The following KLHL15 variants were observed in gnomAD, a reference collection of about 807,000 sequenced individuals.
The protein encoded by KLHL15 is kelch like family member 15, also known as kelch-like protein 15.
In KLHL15, 1 loss-of-function variant was observed where a neutral mutation model predicts 29.3. The ratio of observed to expected loss-of-function variants is 0.03; its 90% CI spans 0.01 to 0.16. The LOEUF (loss-of-function observed/expected upper bound fraction) is 0.16. Ranked by LOEUF, KLHL15 falls within the 10% of genes least tolerant of loss-of-function variation. The pLI, the probability that KLHL15 is intolerant of heterozygous loss-of-function variation, is 1.00. For synonymous variants in KLHL15, 212 were observed against 184.5 expected (o/e 1.15, Z -1.21); for missense variants, 215 against 478.5 (o/e 0.45, Z 5.14).
intron 3 of KLHL15, among the ~76,000 whole-genome samples, chrX:24,003,269 G>A (rs1929367806): frequency 9.0e-6 from 1 of 111,028 alleles, no homozygotes; most frequent in Non-Finnish European, 1.9e-5. Context: ...TGCATGGCCA[G>A]GCGCGGTGGC....
At chrX:24,025,565 A>AG (rs1279167721) in intron 1 of KLHL15, among the ~76,000 whole-genome samples, 1 of 106,589 alleles carries the variant, frequency 9.4e-6, no homozygotes, top group Non-Finnish European at 2.0e-5. Context: ...CTGGCCCGGG[A>AG]GGCCCCCCCC....
At chrX:24,006,957 A>C (rs1249755493) in intron 2 of KLHL15, among the ~76,000 whole-genome samples, 1 of 109,998 alleles carries the variant, frequency 9.1e-6, no homozygotes, top group Non-Finnish European at 1.9e-5. Context: ...CCAAGGCAGG[A>C]AGATCGCTTG....
chrX:23,985,099 G>A lies in KLHL15; in HGVS notation c.*2822C>T, dbSNP rs1276205994. 8.9e-6 allele frequency: 1 copy of A among 111,943 alleles called. No homozygotes were observed. The highest frequency in any genetic ancestry group is 2.8e-4 in the East Asian group (1 of 3,599). 9.2% of individuals were successfully genotyped at this position (111,943 alleles called of 1,213,427 possible). Reference sequence around the variant, plus strand: ...TTTCTTTAAAATCAAAACTTAGAAGGTCAAAGACACGGAAGAGAACAAATG... The same window carrying A: ...TTTCTTTAAAATCAAAACTTAGAAGATCAAAGACACGGAAGAGAACAAATG... On this transcript the variant is annotated 3_prime_UTR_variant, in exon 4 of 4. Coordinates refer to ENST00000328046, the MANE Select transcript of KLHL15 (RefSeq NM_030624.3).
At chrX:23,993,961 G>C (rs992631769) in intron 3 of KLHL15, among the ~76,000 whole-genome samples, 3 of 105,938 alleles carry the variant, frequency 2.8e-5, no homozygotes, top group Admixed American at 1.0e-4. Flanking sequence ...TGGGAGAATC[G>C]AATAGCTTGA....
At chrX:24,001,802 CA>C (rs766669649) in intron 3 of KLHL15, among the ~76,000 whole-genome samples, 772 of 22,618 alleles carry the variant, frequency 0.034, 3 homozygotes, top group African/African-American at 0.094. Flanking sequence ...AGACTTGACT[CA>C]AAAAAAAAAA....
intron 2 of KLHL15, among the ~76,000 whole-genome samples, chrX:24,015,639 C>T (rs768732171): frequency 5.3e-5 from 6 of 112,552 alleles, no homozygotes; most frequent in Admixed American, 9.4e-5. Flanking sequence ...GGGTTTGAAG[C>T]GTGGTTCTAC....
At chrX:24,007,206 A>G (rs1193424739) in intron 2 of KLHL15, among the ~76,000 whole-genome samples, 4 of 107,348 alleles carry the variant, frequency 3.7e-5, no homozygotes, top group African/African-American at 1.4e-4. Context: ...AAAAATATAT[A>G]TGTCGGCTGG....
intron 2 of KLHL15, among the ~76,000 whole-genome samples, chrX:24,009,989 CAAAA>C (rs767433599): frequency 1.1e-4 from 7 of 61,292 alleles, no homozygotes; most frequent in Admixed American, 4.0e-4. Context: ...GACTCCATCT[CAAAA>C]AAAAAAAAAA....
chrX:24,002,350 G>C (rs1202591871), intron 3 of KLHL15, among the ~76,000 whole-genome samples: 1 of 111,375 alleles, frequency 9.0e-6, no homozygotes, highest in South Asian at 3.7e-4. Context: ...AAGACCATCA[G>C]AGCTAGTAAA....
chrX:23,990,989 T>C (rs1240132509), intron 3 of KLHL15, among the ~76,000 whole-genome samples: 2 of 110,703 alleles, frequency 1.8e-5, no homozygotes, highest in Non-Finnish European at 3.8e-5. Flanking sequence ...TCCATGGGCT[T>C]CACAACATCA....
At chrX:23,996,941 T>G (rs1232382334) in intron 3 of KLHL15, among the ~76,000 whole-genome samples, 1 of 112,427 alleles carries the variant, frequency 8.9e-6, no homozygotes, top group Non-Finnish European at 1.9e-5. Context: ...GAAAAATCAG[T>G]TCATGCTAAG....
chrX:24,017,845 T>C (rs1236193087), intron 2 of KLHL15, among the ~76,000 whole-genome samples: 1 of 108,336 alleles, frequency 9.2e-6, no homozygotes, highest in African/African-American at 3.4e-5. Context: ...AGCGGCCTCA[T>C]GCCTGTAATC....
chrX:23,996,104 AC>A (rs759704052), intron 3 of KLHL15, among the ~76,000 whole-genome samples: 1 of 112,226 alleles, frequency 8.9e-6, no homozygotes, highest in African/African-American at 3.2e-5. Flanking sequence ...GAAACAAAAT[AC>A]CTTTTATTAG....
In KLHL15 at chrX:24,006,696, ATCACCTGG is replaced by A. The variant is rs1248723626; in HGVS notation, c.-7-4_-4del. On this transcript the variant is annotated splice_acceptor_variant and splice_polypyrimidine_tract_variant and 5_prime_UTR_variant and intron_variant, in exon 3 of 4. Coordinates refer to ENST00000328046, the MANE Select transcript of KLHL15 (RefSeq NM_030624.3). LOFTEE classifies it low-confidence loss of function (5UTR_SPLICE). ...AATCCTTCCACGTCCCCTGCCATGA[ATCACCTGG>A]AAAAAAATCAAAGACAACAATGTTA... 4 of 1,163,516 alleles carry A rather than the reference ATCACCTGG, an allele frequency of 3.4e-6. No individual in the cohort carries two copies. The highest frequency in any genetic ancestry group is 4.9e-5 in the Admixed American group (2 of 40,591).
rs1030467290 is a variant in KLHL15 at position 24,006,441 on chromosome X, C to T, written c.253G>A (p.Val85Ile). 8.3e-7 allele frequency: 1 copy of T among 1,211,450 alleles called. No individual in the cohort carries two copies. Among genetic ancestry groups the T allele is most frequent in the African/African-American group, 1.7e-5 (1 of 57,850 alleles). Residue 85 changes from valine to isoleucine, a missense_variant, in exon 3 of 4, where the codon GTC becomes ATC. Physicochemically the swap from Val to Ile is conservative, Grantham distance 29 (BLOSUM62 3). Transcript: ENST00000328046. The part of the protein sequence containing the change: ...KGLTATGFSH[V>I]LQFMYYGTIE... ...GTTCCATAGTACATAAATTGCAGGA[C>T]ATGGCTGAAACCGGTAGCTGTTAGA... is the stretch of plus-strand genomic sequence containing the variant.
At position 23,997,886 on chromosome X, in the gene KLHL15, T is replaced by C. The variant is rs767036655; in HGVS notation, c.705+8103A>G. Among the ~76,000 whole-genome samples the C allele has an allele frequency of 2.9e-5, 3 of 104,693 alleles. No individual in the cohort carries two copies. In the East Asian group the frequency reaches 9.1e-4, roughly 32 times the overall value. 90.9% of individuals were successfully genotyped at this position (104,693 alleles called of 115,157 possible). On this transcript the variant is annotated intron_variant, in intron 3 of 3. Coordinates refer to ENST00000328046, the MANE Select transcript of KLHL15 (RefSeq NM_030624.3). Reference sequence around the variant, plus strand: ...TTGATGCCAGGAGACCAGCCAGGAGTTGAGACCAGCCAAGACAACACAGCA... The same window carrying C: ...TTGATGCCAGGAGACCAGCCAGGAGCTGAGACCAGCCAAGACAACACAGCA...
rs768514166 is a variant in KLHL15 at position 24,010,732 on chromosome X, C to T, written c.-7-4032G>A. ...CCCAATCTCCCAAGTTCTGTCCTTC[C>T]CCTGGTTAGGTATTTATATGGACCC... On this transcript the variant is annotated intron_variant, in intron 2 of 3. Transcript: ENST00000328046. 3.6e-5 allele frequency among the ~76,000 whole-genome samples: 4 copies of T among 111,489 alleles called. No homozygotes were observed. The East Asian group carries it at 1.1e-3, about 32-fold the overall frequency.
chrX:23,995,266 G>A (rs1929162320), intron 3 of KLHL15, among the ~76,000 whole-genome samples: 1 of 110,027 alleles, frequency 9.1e-6, no homozygotes, highest in Non-Finnish European at 1.9e-5. Context: ...AATTATCCGG[G>A]CATGTTGGTG....
intron 2 of KLHL15, among the ~76,000 whole-genome samples, chrX:24,009,578 C>T (rs1446655081): frequency 2.8e-5 from 3 of 106,431 alleles, no homozygotes; most frequent in East Asian, 2.9e-4. Flanking sequence ...CTAGCTACTC[C>T]GGAGGCTGAG....
Sources: allele counts gnomAD v4.1 joint callset (sites outside exome capture counted in the v4.1 genomes callset), GRCh38; gene constraint gnomAD v4.1.1; transcripts MANE v1.5; gene names NCBI Gene and HGNC (gene_info 2026-07-23, HGNC 2026-07-21).